The following SUGP1 variants were observed in gnomAD, a reference collection of about 807,000 sequenced individuals.
SUGP1 encodes SURP and G-patch domain-containing protein 1.
SUGP1 carries 34 observed loss-of-function variants against 76.5 expected under a neutral mutation model. The ratio of observed to expected loss-of-function variants is 0.44; its 90% confidence interval spans 0.34 to 0.59. SUGP1 has a LOEUF of 0.59. Among genes scored for constraint, SUGP1 ranks in the 20% least tolerant of loss-of-function variants. The pLI is 0.01. For synonymous variants in SUGP1, 326 were observed against 326.2 expected, an observed-to-expected ratio of 1.00 and a Z score of 0.01; for missense variants, 752 against 851.7, an observed-to-expected ratio of 0.88 and a Z score of 1.46.
intron 8 of SUGP1, among the ~76,000 whole-genome samples, chr19:19,293,724 C>T (rs1364480321): frequency 6.6e-6 from 1 of 152,154 alleles, no homozygotes; most frequent in Non-Finnish European, 1.5e-5. Context: ...AGATCAGCAA[C>T]AAGACAAGGA....
intron 8 of SUGP1, among the ~76,000 whole-genome samples, chr19:19,290,844 T>C (rs957093160): frequency 3.3e-5 from 5 of 151,958 alleles, no homozygotes; most frequent in Non-Finnish European, 5.9e-5. Flanking sequence ...AGAGGCTGGG[T>C]GTGGTGGCTC....
At chr19:19,308,177 T>C (rs1004152444) in intron 3 of SUGP1, among the ~76,000 whole-genome samples, 1 of 152,046 alleles carries the variant, frequency 6.6e-6, no homozygotes, top group Admixed American at 6.6e-5. Context: ...GTTAAAGTTA[T>C]GCATCACCAT....
intron 8 of SUGP1, among the ~76,000 whole-genome samples, chr19:19,289,893 T>C (rs2061168760): frequency 6.6e-6 from 1 of 152,086 alleles, no homozygotes; most frequent in Admixed American, 6.6e-5. Context: ...CCCCCATACG[T>C]CGCCCTATGT....
intron 2 of SUGP1, among the ~76,000 whole-genome samples, chr19:19,312,621 C>T (rs776655868): frequency 1.3e-5 from 2 of 152,130 alleles, no homozygotes; most frequent in Admixed American, 6.5e-5. Context: ...AAATAAATTA[C>T]GGGCCATCCA....
At chr19:19,305,539 T>G in intron 4 of SUGP1, 2 of 259,792 alleles carry the variant, frequency 7.7e-6, no homozygotes, top group Non-Finnish European at 1.5e-5. Flanking sequence ...AGGATGCCCT[T>G]TTGGAGCAAA....
rs947427966 is a variant in SUGP1 at position 19,286,434 on chromosome 19, A to T, written c.1244-6143T>A. ...TACAGGAAAGGCCATCAAGCCTGAA[A>T]CAATAAATTCCTGCTAGAGAAAACT... On this transcript the variant is annotated intron_variant, in intron 8 of 13. Coordinates refer to ENST00000247001, the MANE Select transcript of SUGP1 (RefSeq NM_172231.4). Among the ~76,000 whole-genome samples, 4 of 152,348 alleles carry T rather than the reference A, an allele frequency of 2.6e-5. No individual in the cohort carries two copies. In the East Asian group the frequency reaches 7.7e-4, roughly 29 times the overall value.
At chr19:19,312,856 G>T (rs2061362254) in intron 2 of SUGP1, among the ~76,000 whole-genome samples, 1 of 151,750 alleles carries the variant, frequency 6.6e-6, no homozygotes, top group Non-Finnish European at 1.5e-5. Flanking sequence ...CGGGCATGGT[G>T]GGGGGCACCT....
intron 6 of SUGP1, 48 bp from the exon 7 acceptor site, chr19:19,302,436 C>A: frequency 6.3e-7 from 1 of 1,592,282 alleles, no homozygotes; most frequent in Non-Finnish European, 8.6e-7. Context: ...CACCCAACAG[C>A]CTAATTTCTG....
rs910359066 is a variant in SUGP1, at chr19:19,316,608, G to A, written c.35-15C>T. 3 of 1,613,090 alleles carry A rather than the reference G, an allele frequency of 1.9e-6. No homozygotes were observed. Among genetic ancestry groups the A allele is most frequent in the East Asian group, 4.5e-5 (2 of 44,862 alleles). ...GTTAGCCTTTCCTGGGGAGGGAAAAGGAGTACGTCGGAAATCACCCTTACT... is the reference window on the plus strand; with the variant it reads ...GTTAGCCTTTCCTGGGGAGGGAAAAAGAGTACGTCGGAAATCACCCTTACT... On this transcript the variant is annotated splice_polypyrimidine_tract_variant and intron_variant, in intron 1 of 13. Coordinates refer to ENST00000247001, the MANE Select transcript of SUGP1 (RefSeq NM_172231.4).
intron 8 of SUGP1, among the ~76,000 whole-genome samples, chr19:19,285,566 T>G (rs953364423): frequency 6.6e-6 from 1 of 152,168 alleles, no homozygotes; most frequent in African/African-American, 2.4e-5. Context: ...AATTCATTTA[T>G]TTATTTCTGT....
intron 1 of SUGP1, among the ~76,000 whole-genome samples, chr19:19,317,147 A>AG (rs924655878): frequency 6.6e-6 from 1 of 152,094 alleles, no homozygotes; most frequent in African/African-American, 2.4e-5. Context: ...AAAAAAAAAA[A>AG]AAAAAGTAAG....
rs1568632329 is a variant in SUGP1, at chr19:19,305,929, G to A, written c.458C>T (p.Pro153Leu). Residue 153 changes from proline (P) to leucine (L), a missense_variant, in exon 4 of 14, where the codon CCC (proline) becomes CTC (leucine). Pro to Leu is a moderately conservative substitution (Grantham distance 98). Coordinates refer to ENST00000247001, the MANE Select transcript of SUGP1 (RefSeq NM_172231.4). ...VKSYSHAKQL[P>L]VAHRPSVFQS... ...GAAGACACTCGGGCGGTGCGCCACGGGCAGCTGCTTGGCGTGGGAGTAGCT... is the reference window on the plus strand; with the variant it reads ...GAAGACACTCGGGCGGTGCGCCACGAGCAGCTGCTTGGCGTGGGAGTAGCT... 2 of 1,613,546 alleles carry A rather than the reference G, an allele frequency of 1.2e-6. No individual in the cohort carries two copies. Among genetic ancestry groups the A allele is most frequent in the Non-Finnish European group, 1.7e-6 (2 of 1,179,946 alleles).
rs1405170072 is a variant in SUGP1 at position 19,302,401 on chromosome 19, T to C, written c.764-13A>G. The C allele has an allele frequency of 2.5e-6, 4 of 1,613,640 alleles. No individual in the cohort carries two copies. The highest frequency in any genetic ancestry group is 2.2e-5 in the East Asian group (1 of 44,880). ...TCTGGGGGTGAAACTTTAAGCAGGCTGTCAGTACTGGGCTCAACTCACCAC... is the reference window on the plus strand; with the variant it reads ...TCTGGGGGTGAAACTTTAAGCAGGCCGTCAGTACTGGGCTCAACTCACCAC... On this transcript the variant is annotated splice_polypyrimidine_tract_variant and intron_variant, in intron 6 of 13. Transcript: ENST00000247001.
chr19:19,288,105 C>T (rs1002614900), intron 8 of SUGP1, among the ~76,000 whole-genome samples: 2 of 152,024 alleles, frequency 1.3e-5, no homozygotes, highest in Non-Finnish European at 2.9e-5. Flanking sequence ...TACAGTGAGC[C>T]GAGATCATGC....
intron 2 of SUGP1, among the ~76,000 whole-genome samples, chr19:19,312,708 C>T (rs1372722074): frequency 6.6e-6 from 1 of 152,170 alleles, no homozygotes; most frequent in Non-Finnish European, 1.5e-5. Flanking sequence ...AAAAACAAGG[C>T]CAGGCGCGGT....
intron 3 of SUGP1, among the ~76,000 whole-genome samples, chr19:19,306,785 A>G (rs2061321302): frequency 6.6e-6 from 1 of 152,222 alleles, no homozygotes; most frequent in Non-Finnish European, 1.5e-5. Flanking sequence ...AAGGCCGGGA[A>G]TCCCCTGGGG....
chr19:19,286,257 C>T (rs534665743), intron 8 of SUGP1, among the ~76,000 whole-genome samples: 1 of 152,316 alleles, frequency 6.6e-6, no homozygotes, highest in Non-Finnish European at 1.5e-5. Context: ...TGGTCTACTG[C>T]ATCCAAACAA....
intron 2 of SUGP1, among the ~76,000 whole-genome samples, chr19:19,315,829 GTTT>G (rs146674543): frequency 6.7e-6 from 1 of 150,322 alleles, no homozygotes; most frequent in Non-Finnish European, 1.5e-5. Flanking sequence ...AAGGGCAGAG[GTTT>G]TTTTTTGTTT....
In SUGP1 at chr19:19,276,597, C is replaced by G. The variant is rs1337726422; in HGVS notation, c.*51G>C. 1 of 1,611,932 alleles carries G rather than the reference C, an allele frequency of 6.2e-7. No individual in the cohort carries two copies. Reference sequence around the variant, plus strand: ...GGGCAGAAATGCAGGCCGGAACATTCCACAGTCCAGGGACGGTTGGTCATT... The same window carrying G: ...GGGCAGAAATGCAGGCCGGAACATTGCACAGTCCAGGGACGGTTGGTCATT... On this transcript the variant is annotated 3_prime_UTR_variant, in exon 14 of 14. Coordinates refer to ENST00000247001, the MANE Select transcript of SUGP1 (RefSeq NM_172231.4).
Sources: allele counts gnomAD v4.1 joint callset (sites outside exome capture counted in the v4.1 genomes callset), GRCh38; gene constraint gnomAD v4.1.1; transcripts MANE v1.5; gene names NCBI Gene and HGNC (gene_info 2026-07-23, HGNC 2026-07-21).